The following SCN10A variants were observed in gnomAD, a reference collection of about 807,000 sequenced individuals.
The protein encoded by SCN10A is sodium channel protein type 10 subunit alpha.
Under a neutral mutation model 170.7 loss-of-function variants are expected in SCN10A, and 162 were observed. The observed-to-expected ratio is 0.95, with a 90% confidence interval of 0.84 to 1.08. The LOEUF is 1.08. Ranked by LOEUF, SCN10A falls within the 50% of genes least tolerant of loss-of-function variation. The pLI is 0.00. For missense variants in SCN10A, 2,527 were observed against 2,436.9 expected, an observed-to-expected ratio of 1.04 and a Z score of -0.78; for synonymous variants, 985 against 904.6, an observed-to-expected ratio of 1.09 and a Z score of -1.59.
chr3:38,786,660 AAAGC>A lies in SCN10A; in HGVS notation c.470+2292_470+2295del, dbSNP rs557823984. Among the ~76,000 whole-genome samples, 46 of 152,176 alleles carry A rather than the reference AAAGC, an allele frequency of 3.0e-4. No individual in the cohort carries two copies. In the South Asian group the frequency reaches 9.5e-3, roughly 32 times the overall value. ...AGGGCTTTATATATTTGCATTTCAC[AAAGC>A]AAGTGAGGTGTTGATCCACCTAGAA... On this transcript the variant is annotated intron_variant, in intron 4 of 27. Transcript: ENST00000449082.
chr3:38,723,430 C>T lies in SCN10A; in HGVS notation c.3352G>A (p.Gly1118Arg). The T allele has an allele frequency of 6.2e-7, 1 of 1,614,110 alleles. No homozygotes were observed. Residue 1118 changes from glycine (G) to arginine (R), a missense_variant and splice_region_variant, in exon 19 of 28, where the codon GGA becomes AGA. Coordinates refer to ENST00000449082, the MANE Select transcript of SCN10A (RefSeq NM_006514.4). ...AGGGGGCCTGTGGCTGTCCCTTCACCTTCTGTGAAGCAGTCATCTGGTTCT... is the reference window on the plus strand; with the variant it reads ...AGGGGGCCTGTGGCTGTCCCTTCACTTTCTGTGAAGCAGTCATCTGGTTCT... ...LEEPDDCFTE[G>R]CIRHCPCCKL...
chr3:38,719,647 C>G (rs1285802389), intron 20 of SCN10A, among the ~76,000 whole-genome samples: 1 of 152,142 alleles, frequency 6.6e-6, no homozygotes, highest in East Asian at 1.9e-4. Context: ...CCCGCCTCAG[C>G]CTCCCAAAGT....
At chr3:38,743,190 T>C (rs1427199136) in intron 13 of SCN10A, among the ~76,000 whole-genome samples, 1 of 152,186 alleles carries the variant, frequency 6.6e-6, no homozygotes, top group Non-Finnish European at 1.5e-5. Flanking sequence ...TATAGACTAG[T>C]TCACAAAAGA....
At chr3:38,779,837 AT>A (rs908421735) in intron 4 of SCN10A, among the ~76,000 whole-genome samples, 5 of 148,706 alleles carry the variant, frequency 3.4e-5, no homozygotes, top group South Asian at 2.1e-4. Flanking sequence ...AAATTTGGTT[AT>A]TTTTTTTAAC....
At chr3:38,740,194 A>G (rs901896846) in intron 14 of SCN10A, among the ~76,000 whole-genome samples, 9 of 152,212 alleles carry the variant, frequency 5.9e-5, no homozygotes, top group African/African-American at 1.7e-4. Flanking sequence ...GCAGACAGTA[A>G]TTCATTCATA....
intron 5 of SCN10A, among the ~76,000 whole-genome samples, chr3:38,765,130 A>G (rs1396006839): frequency 1.3e-5 from 2 of 152,176 alleles, no homozygotes; most frequent in African/African-American, 2.4e-5. Flanking sequence ...GGAAGCATAG[A>G]TAACAAAGAT....
rs1347088302 is a variant in SCN10A at position 38,728,611 on chromosome 3, G to C, written c.2571C>G (p.Cys857Trp). ...CGEWIENMWA[C>W]MEVGQKSICL... ...ATATGGATTTTTGGCCAACTTCCAT[G>C]CAGGCCCACATGTTCTCAATCCACT... The change falls in exon 16 of 28, where the codon TGC becomes TGG. Residue 857 changes from cysteine to tryptophan, a missense_variant. Cys to Trp is a radical substitution (Grantham distance 215). Coordinates refer to ENST00000449082, the MANE Select transcript of SCN10A (RefSeq NM_006514.4). 1 of 1,612,526 alleles carries C rather than the reference G, an allele frequency of 6.2e-7. No individual in the cohort carries two copies. Among genetic ancestry groups the C allele is most frequent in the Non-Finnish European group, 8.5e-7 (1 of 1,178,746 alleles).
chr3:38,811,984 C>A (rs1046008109), intron 1 of SCN10A, among the ~76,000 whole-genome samples: 3 of 152,184 alleles, frequency 2.0e-5, no homozygotes, highest in African/African-American at 7.2e-5. Flanking sequence ...GGGCAATGAG[C>A]CAGGCAACCA....
intron 13 of SCN10A, among the ~76,000 whole-genome samples, chr3:38,748,896 C>T (rs555592459): frequency 1.3e-5 from 2 of 152,338 alleles, no homozygotes; most frequent in South Asian, 2.1e-4. Flanking sequence ...AGATACCTGA[C>T]TATTCCTTAT....
intron 12 of SCN10A, 143 bp from the exon 13 acceptor site, chr3:38,750,327 A>G (rs1275148770): frequency 3.4e-6 from 2 of 582,104 alleles, no homozygotes; most frequent in Non-Finnish European, 3.1e-6. Flanking sequence ...CAAATACATC[A>G]TTAGGTGATT....
intron 21 of SCN10A, among the ~76,000 whole-genome samples, chr3:38,718,051 T>C (rs1443513967): frequency 6.6e-6 from 1 of 152,166 alleles, no homozygotes; most frequent in Admixed American, 6.5e-5. Flanking sequence ...CCTCTGTTCT[T>C]TTCAATGCCA....
intron 1 of SCN10A, among the ~76,000 whole-genome samples, chr3:38,795,341 C>CTTTTTTTTT (rs201748424): frequency 2.3e-5 from 3 of 127,876 alleles, no homozygotes; most frequent in African/African-American, 3.0e-5. Context: ...TTTTCTTTTT[C>CTTTTTTTTT]TTTTTCTTTT....
Position 38,707,306 on chromosome 3 carries a change from CT to C in SCN10A, c.4358del (p.Lys1453SerfsTer10). On this transcript the variant is annotated frameshift_variant, in exon 26 of 28. Transcript: ENST00000449082. LOFTEE classifies it high-confidence loss of function. ...YNAMKKLGSK[K>X]PQKPIPRPLN... ...GGGGCCGTGGGATGGGCTTCTGGGG[CT>C]TCTTGGAGCCCAACTTCTTCATGGC... 6.2e-7 allele frequency: 1 copy of C among 1,614,090 alleles called. No individual in the cohort carries two copies. Among genetic ancestry groups the C allele is most frequent in the Non-Finnish European group, 8.5e-7 (1 of 1,179,994 alleles).
intron 14 of SCN10A, among the ~76,000 whole-genome samples, chr3:38,740,499 T>G (rs1257471278): frequency 6.6e-6 from 1 of 152,238 alleles, no homozygotes; most frequent in Non-Finnish European, 1.5e-5. Context: ...GACTTTCTCA[T>G]GCCACAAGAC....
chr3:38,810,149 A>T (rs79332963), intron 1 of SCN10A, among the ~76,000 whole-genome samples: 390 of 152,342 alleles, frequency 2.6e-3, no homozygotes, highest in Admixed American at 3.9e-3. Context: ...CTTCTTAAAC[A>T]TTAATTATTT....
intron 1 of SCN10A, among the ~76,000 whole-genome samples, chr3:38,802,409 C>G (rs553441469): frequency 5.6e-4 from 85 of 152,266 alleles, no homozygotes; most frequent in Non-Finnish European, 1.1e-3. Context: ...AGATGTCTGA[C>G]AGAAGTATAA....
chr3:38,790,684 T>C (rs1475725688), intron 3 of SCN10A, among the ~76,000 whole-genome samples: 1 of 152,090 alleles, frequency 6.6e-6, no homozygotes, highest in Non-Finnish European at 1.5e-5. Flanking sequence ...CTGTAGATAC[T>C]GCTCTACGCA....
chr3:38,728,698 G>A lies in SCN10A; in HGVS notation c.2484C>T (p.Pro828=), dbSNP rs777634572. 1.5e-5 allele frequency: 24 copies of A among 1,614,098 alleles called. No homozygotes were observed. The highest frequency in any genetic ancestry group is 1.8e-5 in the Non-Finnish European group (21 of 1,180,058). ...KNISAPHEDW[P]RWHMHDFFHS... is the part of the protein sequence containing the mutation. ...GGAAGAAGTCGTGCATGTGCCAGCG[G>A]GGCCAGTCTTCATGGGGCGCGGAGA... The change falls in exon 16 of 28, where the codon CCC becomes CCT. Residue 828 remains proline, a synonymous_variant. Transcript: ENST00000449082.
chr3:38,701,072 A>G (rs1418057543), intron 27 of SCN10A, among the ~76,000 whole-genome samples: 2 of 152,234 alleles, frequency 1.3e-5, no homozygotes, highest in Non-Finnish European at 2.9e-5. Context: ...TGTATAAAAT[A>G]AGGATAATAA....
Sources: gnomAD v4.1 joint callset for allele counts (sites outside exome capture counted in the v4.1 genomes callset) on GRCh38, gnomAD v4.1.1 for gene constraint, MANE v1.5 for transcripts, NCBI Gene and HGNC (gene_info 2026-07-23, HGNC 2026-07-21) for gene names.